ZNF514: variants seen among roughly 807,000 people sequenced by gnomAD.
ZNF514 encodes the protein zinc finger protein 514.
ZNF514 carries 12 observed loss-of-function variants against 9.7 expected under a neutral mutation model. The ratio of observed to expected loss-of-function variants is 1.24; its 90% CI spans 0.79 to 2.01. ZNF514 has a LOEUF of 2.01. ZNF514 is among the 30% of genes most tolerant of loss of function. ZNF514 has a pLI of 0.00. For synonymous variants in ZNF514, 158 were observed against 163.7 expected, an observed-to-expected ratio of 0.97 and a Z score of 0.27; for missense variants, 467 against 465.5, an observed-to-expected ratio of 1.00 and a Z score of -0.03.
chr2:95,137,970 C>A, the ZNF514 span, among the ~76,000 whole-genome samples: 1 of 152,158 alleles, frequency 6.6e-6, no homozygotes, highest in Non-Finnish European at 1.5e-5. Flanking sequence ...CTGCCCCCAT[C>A]AACTCTTTCT....
the ZNF514 span, among the ~76,000 whole-genome samples, chr2:95,132,783 G>A: frequency 4.0e-5 from 6 of 149,388 alleles, no homozygotes; most frequent in African/African-American, 7.4e-5. Flanking sequence ...CAGGAGACTC[G>A]CTTGAACCCA....
chr2:95,158,094 C>T (rs1415119175), intron 1 of ZNF514, among the ~76,000 whole-genome samples: 1 of 152,220 alleles, frequency 6.6e-6, no homozygotes, highest in Non-Finnish European at 1.5e-5. Context: ...TGGGTGTAAG[C>T]ATAGCACAGT....
At chr2:95,152,265 C>G (rs1354964733) in intron 4 of ZNF514, among the ~76,000 whole-genome samples, 1 of 152,140 alleles carries the variant, frequency 6.6e-6, no homozygotes, top group Admixed American at 6.6e-5. Flanking sequence ...ATCTTCGTGA[C>G]ATCTTCTGTC....
rs1174190079 is a variant in ZNF514, at chr2:95,149,153, T to C, written c.*129A>G. ...TGACAGGGATTCTCTTTAGTAATTATTGCCTGATGTGGAACAAGATGTGGT... is the reference window on the plus strand; with the variant it reads ...TGACAGGGATTCTCTTTAGTAATTACTGCCTGATGTGGAACAAGATGTGGT... On this transcript the variant is annotated 3_prime_UTR_variant, in exon 5 of 5. Transcript: ENST00000295208. 4 of 1,176,290 alleles carry C rather than the reference T, an allele frequency of 3.4e-6. No individual in the cohort carries two copies. Among genetic ancestry groups the C allele is most frequent in the Admixed American group, 2.5e-5 (1 of 40,216 alleles). 72.9% of individuals were successfully genotyped at this position (1,176,290 alleles called of 1,614,324 possible).
rs2104465932 is a variant in ZNF514, at chr2:95,150,005, T to C, written c.480A>G (p.Leu160=). ...DYKWNGFGRS[L]GLRSVLVNQH... The stretch of plus-strand genomic sequence containing the variant: ...GGTTAACAAGGACTGATCTTAAACC[T>C]AAGCTTCTCCCAAATCCATTCCATT... The change falls in exon 5 of 5, where the codon TTA becomes TTG. Residue 160 remains leucine (L), a synonymous_variant. Coordinates refer to ENST00000295208, the MANE Select transcript of ZNF514 (RefSeq NM_032788.3). The C allele has an allele frequency of 1.2e-6, 2 of 1,614,232 alleles. No individual in the cohort carries two copies. The highest frequency in any genetic ancestry group is 1.7e-6 in the Non-Finnish European group (2 of 1,180,046).
the ZNF514 span, among the ~76,000 whole-genome samples, chr2:95,136,304 T>C: frequency 6.6e-6 from 1 of 152,010 alleles, no homozygotes; most frequent in Non-Finnish European, 1.5e-5. Flanking sequence ...TTGCCCAAGC[T>C]AAAGTGCAGT....
the ZNF514 span, among the ~76,000 whole-genome samples, chr2:95,139,724 C>T: frequency 6.6e-6 from 1 of 152,088 alleles, no homozygotes; most frequent in Non-Finnish European, 1.5e-5. Flanking sequence ...ATTGGGAAGG[C>T]ATGAATGTAT....
the ZNF514 span, among the ~76,000 whole-genome samples, chr2:95,133,635 A>T: frequency 3.2e-4 from 48 of 152,334 alleles, no homozygotes; most frequent in Admixed American, 5.2e-4. Flanking sequence ...AAACATGTAC[A>T]GACTTTTTTC....
chr2:95,137,493 A>G, the ZNF514 span, among the ~76,000 whole-genome samples: 3 of 152,134 alleles, frequency 2.0e-5, no homozygotes, highest in African/African-American at 7.2e-5. Flanking sequence ...TTTTAACAGT[A>G]TTTTTAGGCT....
Position 95,149,196 on chromosome 2 carries a change from A to G in ZNF514, c.*86T>C, listed in dbSNP as rs1673446440. The G allele has an allele frequency of 6.9e-7, 1 of 1,456,542 alleles. No individual in the cohort carries two copies. Among genetic ancestry groups the G allele is most frequent in the Non-Finnish European group, 9.2e-7 (1 of 1,087,100 alleles). 90.2% of individuals were successfully genotyped at this position (1,456,542 alleles called of 1,614,324 possible). A position where few individuals can be genotyped will look rare whatever the true frequency, so the allele number is the denominator to read the frequency against. Reference sequence around the variant, plus strand: ...GATGTGGTCTTCCCACATACATTACACCTTTAGGATCTCTCTCTGATATGA... The same window carrying G: ...GATGTGGTCTTCCCACATACATTACGCCTTTAGGATCTCTCTCTGATATGA... On this transcript the variant is annotated 3_prime_UTR_variant, in exon 5 of 5. Transcript: ENST00000295208.
chr2:95,137,690 G>GA, the ZNF514 span, among the ~76,000 whole-genome samples: 1 of 152,080 alleles, frequency 6.6e-6, no homozygotes, highest in Non-Finnish European at 1.5e-5. Flanking sequence ...TGGGGTTGAA[G>GA]CATTTCCTTT....
intron 1 of ZNF514, chr2:95,158,917 T>C (rs1225214093): frequency 7.8e-7 from 1 of 1,289,786 alleles, no homozygotes; most frequent in South Asian, 1.2e-5. Flanking sequence ...GGCTCGGTAC[T>C]AGCTCCCCAA....
Position 95,145,193 on chromosome 2 carries a change from C to T in ZNF514, c.*4089G>A, listed in dbSNP as rs757485927. On this transcript the variant is annotated 3_prime_UTR_variant, in exon 5 of 5. Coordinates refer to ENST00000295208, the MANE Select transcript of ZNF514 (RefSeq NM_032788.3). The stretch of plus-strand genomic sequence containing the variant: ...AAGCACACAACCAACTGAATCGACC[C>T]TTCCACTTGGCCAAGAGCATTCTAA... 1.3e-5 allele frequency among the ~76,000 whole-genome samples: 2 copies of T among 152,156 alleles called. No individual in the cohort carries two copies. The highest frequency in any genetic ancestry group is 4.8e-5 in the African/African-American group (2 of 41,434).
At chr2:95,143,072 C>G (rs1352152630), downstream of ZNF514, among the ~76,000 whole-genome samples, 3 of 152,202 alleles carry the variant, frequency 2.0e-5, no homozygotes, top group African/African-American at 4.8e-5. Flanking sequence ...TACAGCTGCT[C>G]TCTTATCAGA....
chr2:95,144,741 G>C (rs1175887419), downstream of ZNF514, among the ~76,000 whole-genome samples: 1 of 152,152 alleles, frequency 6.6e-6, no homozygotes, highest in Non-Finnish European at 1.5e-5. Context: ...GTAACCAATT[G>C]ATTATAAGTA....
chr2:95,152,379 C>T (rs1246845384), intron 4 of ZNF514, among the ~76,000 whole-genome samples: 14 of 152,000 alleles, frequency 9.2e-5, no homozygotes, highest in South Asian at 4.1e-4. Context: ...TGGCCCTATA[C>T]GATTGTTGAT....
chr2:95,137,233 G>C, the ZNF514 span, among the ~76,000 whole-genome samples: 33 of 152,246 alleles, frequency 2.2e-4, no homozygotes, highest in South Asian at 6.4e-3. Flanking sequence ...ACCCTCAAAG[G>C]ATCCATCTCT....
chr2:95,158,924 C>A (rs1278703318), intron 1 of ZNF514: 1 of 1,289,804 alleles, frequency 7.8e-7, no homozygotes, highest in African/African-American at 1.5e-5. Context: ...TACTAGCTCC[C>A]CAAGAGGGCT....
chr2:95,127,133 A>G, the ZNF514 span, among the ~76,000 whole-genome samples: 1 of 152,214 alleles, frequency 6.6e-6, no homozygotes. Context: ...AATGGCTACA[A>G]GTACCTTTGG....
Sources: allele counts gnomAD v4.1 joint callset (sites outside exome capture counted in the v4.1 genomes callset), GRCh38; gene constraint gnomAD v4.1.1; transcripts MANE v1.5; gene names NCBI Gene and HGNC (gene_info 2026-07-23, HGNC 2026-07-21).